The following FRAS1 variants were observed in gnomAD, a reference collection of about 807,000 sequenced individuals.
The protein encoded by FRAS1 is Fraser extracellular matrix complex subunit 1.
In FRAS1, 290 loss-of-function variants were observed where a neutral mutation model predicts 435.2. The ratio of observed to expected loss-of-function variants is 0.67; its 90% CI spans 0.61 to 0.73. The LOEUF (loss-of-function observed/expected upper bound fraction) is 0.73, where lower values mean the gene tolerates loss of function less well. Ranked by LOEUF, FRAS1 falls within the 30% of genes least tolerant of loss-of-function variation. FRAS1 has a pLI of 0.00. For missense variants in FRAS1, 4,860 were observed against 5,001.5 expected (o/e 0.97, Z 0.85); for synonymous variants, 1,800 against 1,851.0 (o/e 0.97, Z 0.71).
intron 9 of FRAS1, among the ~76,000 whole-genome samples, chr4:78,270,660 T>G (rs1726630809): frequency 6.6e-6 from 1 of 151,874 alleles, no homozygotes; most frequent in Non-Finnish European, 1.5e-5. Context: ...GAATCTCTCA[T>G]GTGTTTTGTC....
chr4:78,255,131 CTTCTGT>C (rs1459558916), intron 5 of FRAS1, 105 bp from the exon 6 acceptor site: 15 of 999,200 alleles, frequency 1.5e-5, no homozygotes, highest in Non-Finnish European at 2.2e-5. Context: ...GCAGGACCTC[CTTCTGT>C]GCACTGGGCT....
chr4:78,384,008 G>T, intron 27 of FRAS1, 51 bp from the exon 28 acceptor site: 1 of 1,357,156 alleles, frequency 7.4e-7, no homozygotes, highest in Non-Finnish European at 1.0e-6. Context: ...TCTGTGTAAA[G>T]TCTAATGTAA....
chr4:78,482,717 T>A (rs1011878806), intron 58 of FRAS1, among the ~76,000 whole-genome samples, 182 bp downstream of exon 58: 1 of 152,216 alleles, frequency 6.6e-6, no homozygotes, highest in Non-Finnish European at 1.5e-5. Context: ...AGAGAACCAT[T>A]GATGTCTCCG....
Position 78,308,123 on chromosome 4 carries a change from G to A in FRAS1, c.1592G>A (p.Cys531Tyr), listed in dbSNP as rs1248380009. The change falls in exon 15 of 74, where the codon TGC becomes TAC. Residue 531 changes from cysteine (C) to tyrosine (Y), a missense_variant. By Grantham distance (194) the Cys-to-Tyr change is radical (BLOSUM62 -2). Transcript: ENST00000512123. ...CCAACGGAGAAGCACTGCTTGGCCT[G>A]CAGAGATCCCCTCCACGTGCTGAGA... ...WGPTEKHCLACRDPLHVLRDG... is the reference protein window; with the variant it reads ...WGPTEKHCLAYRDPLHVLRDG... 3 of 1,613,804 alleles carry A rather than the reference G, an allele frequency of 1.9e-6. No individual in the cohort carries two copies. In the African/African-American group the frequency reaches 4.0e-5, roughly 22 times the overall value.
At position 78,356,213 on chromosome 4, in the gene FRAS1, A is replaced by G. The variant is rs141649495; in HGVS notation, c.2423-7300A>G. 2.6e-5 allele frequency among the ~76,000 whole-genome samples: 4 copies of G among 152,324 alleles called. No individual in the cohort carries two copies. In the East Asian group the frequency reaches 5.8e-4, roughly 22 times the overall value. On this transcript the variant is annotated intron_variant, in intron 20 of 73. Transcript: ENST00000512123. ...ACGAGACAGTTGGAAATTGTCACAC[A>G]TGCAGCCGAGTAGCACCCTTTTTCT...
At chr4:78,251,372 T>C (rs1037289791) in intron 4 of FRAS1, among the ~76,000 whole-genome samples, 1 of 152,260 alleles carries the variant, frequency 6.6e-6, no homozygotes, top group Non-Finnish European at 1.5e-5. Context: ...TTTGAGCATC[T>C]TTCTATTTTA....
chr4:78,233,290 T>TTA (rs1724593213), intron 2 of FRAS1, among the ~76,000 whole-genome samples: 1 of 152,214 alleles, frequency 6.6e-6, no homozygotes, highest in African/African-American at 2.4e-5. Flanking sequence ...TGGCCCATGA[T>TTA]TATACCAGCT....
At position 78,407,851 on chromosome 4, in the gene FRAS1, G is replaced by A; in HGVS notation, c.4308+10G>A. 6.3e-7 allele frequency: 1 copy of A among 1,578,430 alleles called. No homozygotes were observed. Among genetic ancestry groups the A allele is most frequent in the Non-Finnish European group, 8.6e-7 (1 of 1,160,994 alleles). On this transcript the variant is annotated intron_variant, in intron 31 of 73. Coordinates refer to ENST00000512123, the MANE Select transcript of FRAS1 (RefSeq NM_025074.7). The stretch of plus-strand genomic sequence containing the variant: ...CTCCTTCCGCTTCGAGGTACCCTCT[G>A]CTTCCTGACTTTTCTGAAGTCTGAT...
intron 43 of FRAS1, among the ~76,000 whole-genome samples, chr4:78,447,299 A>AAAC (rs934239261): frequency 4.7e-5 from 7 of 147,868 alleles, no homozygotes; most frequent in African/African-American, 1.8e-4. Context: ...AAAAAAAAAA[A>AAAC]AAAAACACTT....
chr4:78,187,223 C>T (rs776402164), intron 2 of FRAS1, among the ~76,000 whole-genome samples: 2 of 152,070 alleles, frequency 1.3e-5, no homozygotes, highest in African/African-American at 2.4e-5. Context: ...TTTAATCAAG[C>T]GTGATGTTTT....
At chr4:78,482,066 C>T in intron 57 of FRAS1, 102 bp downstream of exon 57, 1 of 1,181,920 alleles carries the variant, frequency 8.5e-7, no homozygotes, top group Non-Finnish European at 1.2e-6. Flanking sequence ...TGGCGATATT[C>T]CTATCTTTCC....
chr4:78,281,365 T>A, intron 10 of FRAS1, 33 bp from the exon 11 acceptor site: 1 of 1,489,316 alleles, frequency 6.7e-7, no homozygotes, highest in Non-Finnish European at 9.1e-7. Flanking sequence ...GTGTTTTTAG[T>A]GGCATAATAA....
In FRAS1 at chr4:78,468,794, G is replaced by A. The variant is rs796102132; in HGVS notation, c.7258-1184G>A. Among the ~76,000 whole-genome samples, 38 of 152,336 alleles carry A rather than the reference G, an allele frequency of 2.5e-4. 1 individual carries two copies. Among genetic ancestry groups the A allele is most frequent in the African/African-American group, 8.4e-4 (35 of 41,578 alleles). ...TACATCTGTGTCTGACCTGGGGAAG[G>A]CAGTTTTAGTGAGCGGCATATGTAC... is the stretch of plus-strand genomic sequence containing the variant. On this transcript the variant is annotated intron_variant, in intron 50 of 73. Coordinates refer to ENST00000512123, the MANE Select transcript of FRAS1 (RefSeq NM_025074.7).
chr4:78,215,952 C>T (rs1042030003), intron 2 of FRAS1, among the ~76,000 whole-genome samples: 44 of 152,238 alleles, frequency 2.9e-4, no homozygotes, highest in African/African-American at 1.0e-3. Flanking sequence ...AACTGATTTC[C>T]CTATTCTGGA....
chr4:78,089,637 C>T (rs1741400310), intron 2 of FRAS1, among the ~76,000 whole-genome samples: 1 of 116,840 alleles, frequency 8.6e-6, no homozygotes, highest in African/African-American at 2.8e-5. Flanking sequence ...ATTTTGTTTA[C>T]CTGAAGAACA....
chr4:78,210,252 A>G (rs1723447391), intron 2 of FRAS1, among the ~76,000 whole-genome samples: 1 of 152,174 alleles, frequency 6.6e-6, no homozygotes, highest in Non-Finnish European at 1.5e-5. Flanking sequence ...CACCTCCCAG[A>G]AGCCTTTTTC....
chr4:78,242,726 A>G (rs951334254), intron 3 of FRAS1, among the ~76,000 whole-genome samples: 1 of 152,216 alleles, frequency 6.6e-6, no homozygotes, highest in South Asian at 2.1e-4. Flanking sequence ...GTGAGCCACC[A>G]TGCTTGGCTT....
At chr4:78,189,424 G>T (rs114202282) in intron 2 of FRAS1, among the ~76,000 whole-genome samples, 1 of 152,144 alleles carries the variant, frequency 6.6e-6, no homozygotes, top group African/African-American at 2.4e-5. Flanking sequence ...GAACTTCCCT[G>T]TGTCTTCTTG....
chr4:78,112,639 G>C (rs1187541965), intron 2 of FRAS1, among the ~76,000 whole-genome samples: 3 of 151,908 alleles, frequency 2.0e-5, no homozygotes, highest in African/African-American at 7.3e-5. Flanking sequence ...TTTGTACATG[G>C]CTACTTATTT....
Sources: allele counts gnomAD v4.1 joint callset (sites outside exome capture counted in the v4.1 genomes callset), GRCh38; gene constraint gnomAD v4.1.1; transcripts MANE v1.5; gene names NCBI Gene and HGNC (gene_info 2026-07-23, HGNC 2026-07-21).